PTPRD: variants seen among roughly 807,000 people sequenced by gnomAD.
PTPRD encodes protein tyrosine phosphatase receptor type D, also known as receptor-type tyrosine-protein phosphatase delta.
A neutral mutation model predicts 214.5 loss-of-function variants in PTPRD; 34 were observed. The observed-to-expected ratio is 0.16, with a 90% CI of 0.12 to 0.21. The LOEUF (loss-of-function observed/expected upper bound fraction) is 0.21, where lower values mean the gene tolerates loss of function less well. Among genes scored for constraint, PTPRD ranks in the 10% least tolerant of loss-of-function variants. The pLI, the probability that PTPRD is intolerant of heterozygous loss-of-function variation, is 1.00. For synonymous variants in PTPRD, 1,128 were observed against 845.7 expected (o/e 1.33, Z -5.79); for missense variants, 2,545 against 2,398.7 (o/e 1.06, Z -1.27).
chr9:9,631,499 T>C (rs1014342120), intron 7 of PTPRD, among the ~76,000 whole-genome samples: 1 of 152,192 alleles, frequency 6.6e-6, no homozygotes, highest in East Asian at 1.9e-4. Flanking sequence ...AGCAGCACTC[T>C]TTATTCAAAG....
intron 8 of PTPRD, among the ~76,000 whole-genome samples, chr9:9,565,335 A>G (rs16929760): frequency 0.16 from 24,427 of 151,760 alleles, 2,188 homozygotes; most frequent in Middle Eastern, 0.19. Context: ...ACTATGTAGA[A>G]ATGGAGATAC....
At chr9:10,038,355 G>C (rs553204100) in intron 3 of PTPRD, among the ~76,000 whole-genome samples, 1 of 151,896 alleles carries the variant, frequency 6.6e-6, no homozygotes, top group Non-Finnish European at 1.5e-5. Flanking sequence ...CCCCAAATTG[G>C]ACATTTTTAC....
intron 12 of PTPRD, among the ~76,000 whole-genome samples, chr9:8,686,081 G>A (rs971338883): frequency 2.6e-5 from 4 of 152,214 alleles, no homozygotes; most frequent in Non-Finnish European, 5.9e-5. Flanking sequence ...AAAGCAAGCA[G>A]AAACTATCAA....
At chr9:10,506,546 G>A (rs2046043166) in intron 2 of PTPRD, among the ~76,000 whole-genome samples, 2 of 152,074 alleles carry the variant, frequency 1.3e-5, no homozygotes, top group African/African-American at 4.8e-5. Flanking sequence ...ACCATGATGT[G>A]ATTATTATGC....
At chr9:10,126,436 C>G (rs199849949) in intron 3 of PTPRD, among the ~76,000 whole-genome samples, 1 of 136,488 alleles carries the variant, frequency 7.3e-6, no homozygotes, top group Admixed American at 8.1e-5. Context: ...TACACACACA[C>G]ACACACACAC....
intron 2 of PTPRD, among the ~76,000 whole-genome samples, chr9:10,542,135 A>C (rs913242841): frequency 6.6e-6 from 1 of 152,150 alleles, no homozygotes; most frequent in Non-Finnish European, 1.5e-5. Context: ...AGATATAATA[A>C]ATTTAATCAA....
chr9:10,088,873 T>C (rs1407883601), intron 3 of PTPRD, among the ~76,000 whole-genome samples: 1 of 151,586 alleles, frequency 6.6e-6, no homozygotes, highest in Admixed American at 6.6e-5. Context: ...TCTGGAATTT[T>C]TGGGGTGATG....
At chr9:10,595,666 T>G (rs1264621649) in intron 2 of PTPRD, among the ~76,000 whole-genome samples, 1 of 151,400 alleles carries the variant, frequency 6.6e-6, no homozygotes, top group Non-Finnish European at 1.5e-5. Context: ...ATATTTATAA[T>G]AAAAAATTAG....
intron 2 of PTPRD, among the ~76,000 whole-genome samples, chr9:10,529,759 A>T (rs1446359903): frequency 6.6e-6 from 1 of 151,650 alleles, no homozygotes; most frequent in Non-Finnish European, 1.5e-5. Context: ...TTGCAGGGAC[A>T]TGGATGAAGC....
chr9:10,504,115 C>CAACAAAAAAAAAAA (rs1555439817), intron 2 of PTPRD, among the ~76,000 whole-genome samples: 1 of 26,970 alleles, frequency 3.7e-5, no homozygotes, highest in African/African-American at 1.8e-4. Flanking sequence ...GACTCTGTCT[C>CAACAAAAAAAAAAA]AAAAAAAAAA....
chr9:8,866,689 C>G (rs578232833), intron 11 of PTPRD, among the ~76,000 whole-genome samples: 4 of 152,262 alleles, frequency 2.6e-5, no homozygotes, highest in Admixed American at 2.0e-4. Context: ...CTGGATAAAA[C>G]TATCCATATT....
chr9:8,943,727 C>G (rs991697937), intron 11 of PTPRD, among the ~76,000 whole-genome samples: 4 of 150,684 alleles, frequency 2.7e-5, no homozygotes, highest in Non-Finnish European at 5.9e-5. Flanking sequence ...AACTAGAACC[C>G]TATCTCTTGC....
At chr9:10,262,792 T>C (rs1339525243) in intron 3 of PTPRD, among the ~76,000 whole-genome samples, 1 of 152,210 alleles carries the variant, frequency 6.6e-6, no homozygotes. Flanking sequence ...TCCACACATT[T>C]GCACAGACCC....
At chr9:8,632,706 C>A (rs2096289855) in intron 14 of PTPRD, among the ~76,000 whole-genome samples, 1 of 151,986 alleles carries the variant, frequency 6.6e-6, no homozygotes, top group Admixed American at 6.6e-5. Context: ...TGGCAACTCA[C>A]CCTGTGCCTT....
chr9:9,807,095 G>A (rs1296880607), intron 5 of PTPRD, among the ~76,000 whole-genome samples: 1 of 152,056 alleles, frequency 6.6e-6, no homozygotes, highest in Non-Finnish European at 1.5e-5. Flanking sequence ...TTTTGTTTCT[G>A]CTCTAAAATC....
At chr9:9,167,210 AT>A (rs147532272) in intron 10 of PTPRD, among the ~76,000 whole-genome samples, 18,615 of 151,572 alleles carry the variant, frequency 0.12, 1,150 homozygotes, top group Middle Eastern at 0.19. Context: ...ATCAGATTGC[AT>A]TTTTTTTCTC....
At chr9:10,562,533 T>C (rs2064288923) in intron 2 of PTPRD, among the ~76,000 whole-genome samples, 1 of 152,254 alleles carries the variant, frequency 6.6e-6, no homozygotes, top group South Asian at 2.1e-4. Context: ...ACTTTAATAA[T>C]AGAAACATCT....
chr9:8,720,198 T>C (rs2098477471), intron 12 of PTPRD, among the ~76,000 whole-genome samples: 1 of 152,218 alleles, frequency 6.6e-6, no homozygotes. Context: ...CTCTTATATC[T>C]AGCTCCTCAC....
chr9:10,361,683 A>G (rs1286777396), intron 2 of PTPRD, among the ~76,000 whole-genome samples: 15 of 152,168 alleles, frequency 9.9e-5, no homozygotes. Flanking sequence ...AACACTTACT[A>G]TTATATGATC....
Sources: allele counts gnomAD v4.1 joint callset (sites outside exome capture counted in the v4.1 genomes callset), GRCh38; gene constraint gnomAD v4.1.1; transcripts MANE v1.5; gene names NCBI Gene and HGNC (gene_info 2026-07-23, HGNC 2026-07-21).